Variants in SHISA9 observed in about 807,000 individuals in gnomAD.
SHISA9 encodes protein shisa-9.
SHISA9 carries 13 observed loss-of-function variants against 38.0 expected under a neutral mutation model. The observed-to-expected ratio is 0.34, with a 90% confidence interval of 0.22 to 0.54. The LOEUF is 0.54. Ranked by LOEUF, SHISA9 falls within the 20% of genes least tolerant of loss-of-function variation. The pLI is 0.91. For missense variants in SHISA9, 538 were observed against 575.8 expected (o/e 0.93, Z 0.67); for synonymous variants, 275 against 242.0 (o/e 1.14, Z -1.27).
intron 2 of SHISA9, among the ~76,000 whole-genome samples, chr16:12,926,728 T>C (rs886247857): frequency 2.0e-5 from 3 of 152,204 alleles, no homozygotes; most frequent in Admixed American, 6.5e-5. Context: ...GGATGGCCTT[T>C]CCTGAGAAAC....
chr16:13,311,785 C>T, the SHISA9 span, among the ~76,000 whole-genome samples: 1 of 152,104 alleles, frequency 6.6e-6, no homozygotes, highest in East Asian at 1.9e-4. Context: ...CACTTCCAAG[C>T]GTGATTCCTT....
intron 2 of SHISA9, among the ~76,000 whole-genome samples, chr16:12,987,331 CA>C (rs2072324476): frequency 6.6e-6 from 1 of 152,192 alleles, no homozygotes; most frequent in South Asian, 2.1e-4. Flanking sequence ...ATCCCAAAGG[CA>C]TGGAATCAAC....
intron 2 of SHISA9, among the ~76,000 whole-genome samples, chr16:13,169,931 G>A (rs1021488603): frequency 2.0e-5 from 3 of 152,014 alleles, no homozygotes; most frequent in East Asian, 1.9e-4. Flanking sequence ...GGCCGGGTGC[G>A]GTGGCTCATC....
chr16:13,339,591 C>A, the SHISA9 span, among the ~76,000 whole-genome samples: 1 of 152,018 alleles, frequency 6.6e-6, no homozygotes, highest in Admixed American at 6.6e-5. Context: ...AAGCATAATA[C>A]CCATAGTAGA....
chr16:13,367,712 G>GTGCGCGCACACACA, the SHISA9 span, among the ~76,000 whole-genome samples: 19 of 104,640 alleles, frequency 1.8e-4, no homozygotes, highest in African/African-American at 6.6e-4. Context: ...GCGCGCGCGC[G>GTGCGCGCACACACA]CACACACACA....
chr16:12,968,969 A>C (rs912043983), intron 2 of SHISA9, among the ~76,000 whole-genome samples: 1 of 152,004 alleles, frequency 6.6e-6, no homozygotes, highest in Non-Finnish European at 1.5e-5. Context: ...AGCCTGGCCA[A>C]CATGGTGAAA....
At chr16:13,119,471 T>G (rs1213155552) in intron 2 of SHISA9, among the ~76,000 whole-genome samples, 1 of 152,222 alleles carries the variant, frequency 6.6e-6, no homozygotes, top group Non-Finnish European at 1.5e-5. Flanking sequence ...TGATCTAAAG[T>G]ACATGTTTAT....
chr16:13,091,076 A>T (rs1214499305), intron 2 of SHISA9, among the ~76,000 whole-genome samples: 1 of 152,240 alleles, frequency 6.6e-6, no homozygotes, highest in Non-Finnish European at 1.5e-5. Context: ...TTGGCTGGAT[A>T]TAAAATTCTG....
the SHISA9 span, among the ~76,000 whole-genome samples, chr16:13,449,477 A>G: frequency 6.6e-6 from 1 of 152,212 alleles, no homozygotes; most frequent in Non-Finnish European, 1.5e-5. Context: ...GGAAAGGAGC[A>G]TGAGGGAACT....
the SHISA9 span, among the ~76,000 whole-genome samples, chr16:13,272,595 A>C: frequency 1.3e-5 from 2 of 152,146 alleles, no homozygotes; most frequent in Non-Finnish European, 2.9e-5. Flanking sequence ...AGTTTGGGCC[A>C]ATCTTGTAGG....
intron 3 of SHISA9, among the ~76,000 whole-genome samples, chr16:13,203,981 A>T (rs2051034072): frequency 6.6e-6 from 1 of 151,642 alleles, no homozygotes; most frequent in Admixed American, 6.6e-5. Flanking sequence ...CAATCCATCC[A>T]CCCATCCACC....
At chr16:13,040,709 A>G (rs1401577007) in intron 2 of SHISA9, among the ~76,000 whole-genome samples, 1 of 152,230 alleles carries the variant, frequency 6.6e-6, no homozygotes, top group Non-Finnish European at 1.5e-5. Context: ...ATTGAAAAAT[A>G]TTGAAGAGTC....
rs905788068 is a variant in SHISA9 at position 12,911,475 on chromosome 16, G to A, written c.564-5213G>A. 14 of 757,096 alleles carry A rather than the reference G, an allele frequency of 1.8e-5. No homozygotes were observed. In the African/African-American group the frequency reaches 2.7e-4, roughly 14 times the overall value. 46.9% of individuals were successfully genotyped at this position (757,096 alleles called of 1,614,324 possible). On this transcript the variant is annotated intron_variant, in intron 1 of 4. Coordinates refer to ENST00000558583, the MANE Select transcript of SHISA9 (RefSeq NM_001145204.3). ...CACGAACAATGATTAGGTACATTAT[G>A]AAGCATACGTAAGGACAGAAATTTC...
At chr16:12,947,867 A>G (rs1290763456) in intron 2 of SHISA9, among the ~76,000 whole-genome samples, 3 of 152,146 alleles carry the variant, frequency 2.0e-5, no homozygotes, top group Non-Finnish European at 1.5e-5. Context: ...CCAAGTAGTG[A>G]CCGTTCCTTG....
chr16:13,471,690 A>G, the SHISA9 span, among the ~76,000 whole-genome samples: 1 of 149,058 alleles, frequency 6.7e-6, no homozygotes, highest in African/African-American at 2.5e-5. Flanking sequence ...TTTGAGCAAG[A>G]AATCAGCTTT....
At chr16:13,203,632 T>G in intron 3 of SHISA9, 83 bp downstream of exon 3, 1 of 1,326,972 alleles carries the variant, frequency 7.5e-7, no homozygotes, top group Non-Finnish European at 9.8e-7. Flanking sequence ...TATCTCCAGT[T>G]TTCTTTCCTA....
rs200194973 is a variant in SHISA9 at position 12,968,189 on chromosome 16, CAAAAAAAAAAAAAAAAAAAAAAAA to C, written c.691+51388_691+51411del. On this transcript the variant is annotated intron_variant, in intron 2 of 4. Coordinates refer to ENST00000558583, the MANE Select transcript of SHISA9 (RefSeq NM_001145204.3). The stretch of plus-strand genomic sequence containing the variant: ...TGGGTGACAGAGGAAGGCTCCATCT[CAAAAAAAAAAAAAAAAAAAAAAAA>C]AAAAAAAAAAAAATCCAGAGCTCAG... 1.1e-4 allele frequency among the ~76,000 whole-genome samples: 9 copies of C among 82,036 alleles called. 1 individual carries two copies. Among genetic ancestry groups the C allele is most frequent in the Admixed American group, 2.4e-4 (2 of 8,272 alleles). 53.8% of individuals were successfully genotyped at this position (82,036 alleles called of 152,430 possible).
chr16:13,264,546 C>A, the SHISA9 span, among the ~76,000 whole-genome samples: 343 of 152,158 alleles, frequency 2.3e-3, 3 homozygotes, highest in African/African-American at 8.0e-3. Flanking sequence ...ATGAAGCATC[C>A]GGTGTACAGT....
chr16:12,925,391 G>A (rs554860889), intron 2 of SHISA9, among the ~76,000 whole-genome samples: 1 of 150,928 alleles, frequency 6.6e-6, no homozygotes, highest in East Asian at 2.0e-4. Flanking sequence ...GTAAGAATCT[G>A]TATGGTCCCC....
Sources: allele counts gnomAD v4.1 joint callset (sites outside exome capture counted in the v4.1 genomes callset), GRCh38; gene constraint gnomAD v4.1.1; transcripts MANE v1.5; gene names NCBI Gene and HGNC (gene_info 2026-07-23, HGNC 2026-07-21).